The following SLC28A2 variants were observed in gnomAD, a reference collection of about 807,000 sequenced individuals.
SLC28A2 encodes solute carrier family 28 member 2.
A neutral mutation model predicts 72.9 loss-of-function variants in SLC28A2; 69 were observed. The ratio of observed to expected loss-of-function variants is 0.95; its 90% CI spans 0.78 to 1.16. SLC28A2 has a LOEUF of 1.16. Ranked by LOEUF, SLC28A2 falls within the 50% of genes most tolerant of loss-of-function variation. The pLI, the probability that SLC28A2 is intolerant of heterozygous loss-of-function variation, is 0.00. For synonymous variants in SLC28A2, 296 were observed against 294.1 expected (o/e 1.01, Z -0.07); for missense variants, 745 against 791.1 (o/e 0.94, Z 0.70).
intron 12 of SLC28A2, 52 bp from the exon 13 acceptor site, chr15:45,268,158 G>T: frequency 3.3e-6 from 5 of 1,531,148 alleles, no homozygotes; most frequent in Non-Finnish European, 4.5e-6. Flanking sequence ...TTCTCTGAGG[G>T]GCTGAGACTG....
intron 15 of SLC28A2, among the ~76,000 whole-genome samples, chr15:45,271,589 G>GAAGGAAGGAAGT (rs1555432001): frequency 1.3e-5 from 2 of 149,334 alleles, no homozygotes; most frequent in Non-Finnish European, 3.0e-5. Context: ...AGGAAGGAAG[G>GAAGGAAGGAAGT]AAGGAAGGAA....
Position 45,268,285 on chromosome 15 carries a change from C to A in SLC28A2, c.1275C>A (p.Ala425=), listed in dbSNP as rs749138740. The part of the protein sequence containing the change: ...DAIGLATNVA[A]NLIAFLAVLA... ...TAGGCCTTGCTACTAATGTAGCAGCCAACCTGATTGCCTTTTTGGCTGTGT... is the reference window on the plus strand; with the variant it reads ...TAGGCCTTGCTACTAATGTAGCAGCAAACCTGATTGCCTTTTTGGCTGTGT... The change falls in exon 13 of 18, where the codon GCC becomes GCA. Residue 425 remains alanine, a synonymous_variant. Transcript: ENST00000347644. The A allele has an allele frequency of 6.2e-7, 1 of 1,612,736 alleles. No individual in the cohort carries two copies. Among genetic ancestry groups the A allele is most frequent in the Non-Finnish European group, 8.5e-7 (1 of 1,178,820 alleles).
Position 45,265,592 on chromosome 15 carries a change from A to G in SLC28A2, c.790A>G (p.Ile264Val). The G allele has an allele frequency of 6.2e-7, 1 of 1,612,032 alleles. No individual in the cohort carries two copies. The highest frequency in any genetic ancestry group is 2.2e-5 in the East Asian group (1 of 44,852). Residue 264 changes from isoleucine to valine, a missense_variant, in exon 9 of 18, where the codon ATC becomes GTC. By Grantham distance (29) the Ile-to-Val change is conservative. Coordinates refer to ENST00000347644, the MANE Select transcript of SLC28A2 (RefSeq NM_004212.4). Reference protein sequence around the residue: ...KDVFAFQALPIIIFFGCVVSI... With the variant: ...KDVFAFQALPVIIFFGCVVSI... ...ACCATTCTCATTACAGGCCTTACCA[A>G]TCATCATTTTCTTTGGATGTGTGGT...
chr15:45,263,004 A>G (rs2140567292), intron 4 of SLC28A2, 57 bp from the exon 5 acceptor site: 1 of 1,466,932 alleles, frequency 6.8e-7, no homozygotes, highest in South Asian at 1.2e-5. Context: ...CTGGAGTTTC[A>G]TTTGCCCATT....
At chr15:45,265,289 G>T (rs1425558494) in intron 8 of SLC28A2, 123 bp downstream of exon 8, 4 of 738,068 alleles carry the variant, frequency 5.4e-6, no homozygotes, top group African/African-American at 5.2e-5. Flanking sequence ...TAACAAGAGG[G>T]TTTAACCCCA....
intron 15 of SLC28A2, among the ~76,000 whole-genome samples, chr15:45,270,602 A>T (rs548691729): frequency 2.0e-5 from 3 of 152,074 alleles, no homozygotes; most frequent in African/African-American, 7.2e-5. Flanking sequence ...AATAGTGCAT[A>T]TATAAATAAA....
At chr15:45,269,739 C>T (rs1286305151) in intron 14 of SLC28A2, among the ~76,000 whole-genome samples, 1 of 152,128 alleles carries the variant, frequency 6.6e-6, no homozygotes, top group Non-Finnish European at 1.5e-5. Flanking sequence ...TGCTATTTTC[C>T]CCCTGCCACC....
At chr15:45,270,632 A>G (rs1029990540) in intron 15 of SLC28A2, among the ~76,000 whole-genome samples, 6 of 151,618 alleles carry the variant, frequency 4.0e-5, no homozygotes, top group Admixed American at 3.3e-4. Context: ...TTATTTATTT[A>G]TTTAATTTTT....
chr15:45,272,811 T>G (rs1242449761), intron 17 of SLC28A2, 27 bp downstream of exon 17: 1 of 1,224,840 alleles, frequency 8.2e-7, no homozygotes, highest in Admixed American at 1.7e-5. Flanking sequence ...CATTCCTTTC[T>G]CTCACACACG....
Position 45,263,995 on chromosome 15 carries a change from CTT to C in SLC28A2, c.563_564del (p.Phe188CysfsTer32), listed in dbSNP as rs753276645. ...AGICMFILIL[F>X]ACSKHHSAVS... ...GAATCTGCATGTTCATCCTTATCCT[CTT>C]TGCCTGCTCCAAACACCACAGCGCA... On this transcript the variant is annotated frameshift_variant, in exon 6 of 18. Transcript: ENST00000347644. LOFTEE classifies it high-confidence loss of function. 7 of 1,613,028 alleles carry C rather than the reference CTT, an allele frequency of 4.3e-6. No homozygotes were observed. In the South Asian group the frequency reaches 7.7e-5, roughly 18 times the overall value.
chr15:45,272,889 A>T, intron 17 of SLC28A2, 105 bp downstream of exon 17: 1 of 661,274 alleles, frequency 1.5e-6, no homozygotes. Context: ...AGTATTGGTA[A>T]TGGCCTAGAT....
chr15:45,266,681 T>C (rs369315606), intron 10 of SLC28A2, among the ~76,000 whole-genome samples: 2 of 152,220 alleles, frequency 1.3e-5, no homozygotes, highest in African/African-American at 4.8e-5. Context: ...ACTTGTCACA[T>C]TCGCAGGGAG....
In SLC28A2 at chr15:45,263,204, A is replaced by G; in HGVS notation, c.406A>G (p.Lys136Glu). ...LLGKKLTRCL[K>E]PFENSRLRLW... ...GGGCAAAAAATTAACAAGATGTCTG[A>G]AGCCCTTTGAAAACTCCCGCCTGAG... Residue 136 changes from lysine (K) to glutamate (E), a missense_variant, in exon 5 of 18, where the codon AAG (lysine) becomes GAG (glutamate). Transcript: ENST00000347644. The G allele has an allele frequency of 6.2e-7, 1 of 1,614,028 alleles. No individual in the cohort carries two copies.
chr15:45,253,720 A>C (rs1475990269), intron 3 of SLC28A2, 200 bp downstream of exon 3: 2 of 455,538 alleles, frequency 4.4e-6, no homozygotes, highest in Middle Eastern at 5.7e-4. Flanking sequence ...TGTTGGTTGG[A>C]CTGAAAATAA....
rs369221355 is a variant in SLC28A2 at position 45,265,905 on chromosome 15, G to A, written c.862-176G>A. On this transcript the variant is annotated intron_variant, in intron 9 of 17. Transcript: ENST00000347644. ...TTAATGTACTTGTTCTAAAGGCAAC[G>A]AGTCCTGAGTTCTGGTCAAGGCTCT... is the stretch of plus-strand genomic sequence containing the variant. Among the ~76,000 whole-genome samples, 3 of 152,194 alleles carry A rather than the reference G, an allele frequency of 2.0e-5. 1 individual carries two copies. Among genetic ancestry groups the A allele is most frequent in the South Asian group, 4.1e-4 (2 of 4,832 alleles).
At chr15:45,264,540 C>T (rs976233189) in intron 6 of SLC28A2, 115 bp from the exon 7 acceptor site, 7 of 710,372 alleles carry the variant, frequency 9.9e-6, no homozygotes, top group Non-Finnish European at 1.8e-5. Flanking sequence ...GCCATCAGAC[C>T]CTAGACTTAC....
intron 10 of SLC28A2, among the ~76,000 whole-genome samples, chr15:45,267,060 G>A (rs1900360738): frequency 6.6e-6 from 1 of 152,180 alleles, no homozygotes; most frequent in Non-Finnish European, 1.5e-5. Flanking sequence ...TTCATTTAAT[G>A]AGTACTGTTT....
At chr15:45,270,048 A>C in intron 14 of SLC28A2, 147 bp from the exon 15 acceptor site, 1 of 631,570 alleles carries the variant, frequency 1.6e-6, no homozygotes, top group African/African-American at 1.8e-5. Flanking sequence ...AACTCAGGGA[A>C]CAGTTGTTTT....
At chr15:45,253,690 AAGG>A (rs1321291806) in intron 3 of SLC28A2, 170 bp downstream of exon 3, 2 of 538,520 alleles carry the variant, frequency 3.7e-6, no homozygotes, top group African/African-American at 1.9e-5. Flanking sequence ...CATAAAAAAA[AAGG>A]AGTTCAGCAG....
Sources: gnomAD v4.1 joint callset for allele counts (sites outside exome capture counted in the v4.1 genomes callset) on GRCh38, gnomAD v4.1.1 for gene constraint, MANE v1.5 for transcripts, NCBI Gene and HGNC (gene_info 2026-07-23, HGNC 2026-07-21) for gene names.